Variants in NALF1 observed in about 807,000 individuals in gnomAD.
NALF1 encodes the protein NALCN channel auxiliary factor 1.
A neutral mutation model predicts 48.4 loss-of-function variants in NALF1; 3 were observed. That is an observed-to-expected ratio of 0.06 (90% CI 0.03 to 0.16). The LOEUF (loss-of-function observed/expected upper bound fraction) is 0.16, where lower values mean the gene tolerates loss of function less well. Ranked by LOEUF, NALF1 falls within the 10% of genes least tolerant of loss-of-function variation. The pLI, the probability that NALF1 is intolerant of heterozygous loss-of-function variation, is 1.00. For synonymous variants in NALF1, 262 were observed against 245.7 expected (o/e 1.07, Z -0.62); for missense variants, 526 against 571.5 (o/e 0.92, Z 0.81).
intron 1 of NALF1, among the ~76,000 whole-genome samples, chr13:107,513,462 G>A (rs1191755770): frequency 6.6e-6 from 1 of 151,682 alleles, no homozygotes; most frequent in Non-Finnish European, 1.5e-5. Flanking sequence ...TGTACTGTGG[G>A]AAACTAGCCA....
intron 1 of NALF1, among the ~76,000 whole-genome samples, chr13:107,214,444 G>C (rs1016752970): frequency 1.3e-5 from 2 of 152,196 alleles, no homozygotes; most frequent in African/African-American, 4.8e-5. Flanking sequence ...TGTCACTGCA[G>C]AGTATAAATA....
intron 1 of NALF1, among the ~76,000 whole-genome samples, chr13:107,794,254 A>G: frequency 6.6e-6 from 1 of 152,194 alleles, no homozygotes. Context: ...TCAACATGAA[A>G]GCCCCTGGTT....
At chr13:107,425,075 A>G (rs1220272660) in intron 1 of NALF1, among the ~76,000 whole-genome samples, 1 of 152,184 alleles carries the variant, frequency 6.6e-6, no homozygotes, top group Non-Finnish European at 1.5e-5. Context: ...TGAAAGTCGT[A>G]TTTTGCTCCT....
intron 1 of NALF1, among the ~76,000 whole-genome samples, chr13:107,213,230 C>CAAAAAAAAAAAAAAA (rs386380636): frequency 3.5e-4 from 36 of 103,360 alleles, no homozygotes; most frequent in East Asian, 1.2e-3. Flanking sequence ...TTTTTTAACT[C>CAAAAAAAAAAAAAAA]AAAAAAAAAA....
chr13:107,308,348 C>T (rs1881980939), intron 1 of NALF1, among the ~76,000 whole-genome samples: 1 of 151,658 alleles, frequency 6.6e-6, no homozygotes, highest in Non-Finnish European at 1.5e-5. Flanking sequence ...ACTAAAGGTA[C>T]CCGCCACCAC....
intron 1 of NALF1, among the ~76,000 whole-genome samples, chr13:107,596,865 A>G (rs1878768308): frequency 2.6e-5 from 4 of 152,074 alleles, no homozygotes; most frequent in Admixed American, 2.6e-4. Context: ...GTTCATTTCT[A>G]TTTTTTTCCC....
At chr13:107,315,700 T>A (rs1243216676) in intron 1 of NALF1, among the ~76,000 whole-genome samples, 1 of 151,984 alleles carries the variant, frequency 6.6e-6, no homozygotes, top group East Asian at 1.9e-4. Flanking sequence ...ATTTTTGCAG[T>A]TATTTTCTAT....
intron 1 of NALF1, among the ~76,000 whole-genome samples, chr13:107,596,226 G>A (rs9520502): frequency 0.027 from 4,091 of 152,168 alleles, 101 homozygotes; most frequent in Non-Finnish European, 0.038. Context: ...TAAGAAAAGG[G>A]AATTTTCTAG....
At chr13:107,774,841 G>C (rs1877680102) in intron 1 of NALF1, among the ~76,000 whole-genome samples, 1 of 151,982 alleles carries the variant, frequency 6.6e-6, no homozygotes, top group South Asian at 2.1e-4. Flanking sequence ...CAGCTCTTAT[G>C]GTTCTTCCTT....
chr13:107,333,100 C>T (rs1408048431), intron 1 of NALF1, among the ~76,000 whole-genome samples: 1 of 152,150 alleles, frequency 6.6e-6, no homozygotes. Context: ...CCCGCCTCGG[C>T]CTCCCAAAGT....
chr13:107,569,069 C>T (rs1877901298), intron 1 of NALF1, among the ~76,000 whole-genome samples: 4 of 152,112 alleles, frequency 2.6e-5, no homozygotes, highest in Admixed American at 6.5e-5. Context: ...TTTAAATTTA[C>T]AAACTATTTT....
intron 2 of NALF1, among the ~76,000 whole-genome samples, chr13:107,195,517 C>T (rs894694913): frequency 2.0e-5 from 3 of 152,180 alleles, no homozygotes; most frequent in Admixed American, 1.3e-4. Context: ...GTGATAATCA[C>T]ACTCTCCACA....
rs1002446478 is a variant in NALF1, at chr13:107,570,921, A to T, written c.915+294761T>A. 3.3e-5 allele frequency among the ~76,000 whole-genome samples: 5 copies of T among 152,290 alleles called. No individual in the cohort carries two copies. In the East Asian group the frequency reaches 9.6e-4, roughly 29 times the overall value. On this transcript the variant is annotated intron_variant, in intron 1 of 2. Transcript: ENST00000375915. ...CTCCTTCCATTGCATGTTAGACATG[A>T]AAAAAAGATAAAGAATCTTAGGATT...
chr13:107,222,559 G>C (rs1386605154), intron 1 of NALF1, among the ~76,000 whole-genome samples: 1 of 152,168 alleles, frequency 6.6e-6, no homozygotes, highest in East Asian at 1.9e-4. Context: ...TGTCCTGTGT[G>C]TGTTCGCCCC....
intron 1 of NALF1, among the ~76,000 whole-genome samples, chr13:107,702,849 A>T (rs887197778): frequency 6.6e-6 from 1 of 152,072 alleles, no homozygotes; most frequent in African/African-American, 2.4e-5. Context: ...ATCCAGCTCC[A>T]TCCATGTCCC....
intron 1 of NALF1, among the ~76,000 whole-genome samples, chr13:107,766,221 A>G (rs1385864837): frequency 1.3e-5 from 2 of 152,192 alleles, no homozygotes; most frequent in African/African-American, 4.8e-5. Context: ...TTCTTAAAAG[A>G]TAAATCTGTA....
intron 1 of NALF1, among the ~76,000 whole-genome samples, chr13:107,706,562 T>C (rs892192389): frequency 1.3e-5 from 2 of 152,228 alleles, no homozygotes; most frequent in African/African-American, 4.8e-5. Context: ...AATTTAAATT[T>C]GGCATTAAAT....
At chr13:107,635,494 C>T (rs533904317) in intron 1 of NALF1, among the ~76,000 whole-genome samples, 16 of 152,128 alleles carry the variant, frequency 1.1e-4, no homozygotes, top group African/African-American at 3.6e-4. Flanking sequence ...AACTACAATT[C>T]AGGATGAGAT....
chr13:107,447,977 G>A (rs2139032458), intron 1 of NALF1, among the ~76,000 whole-genome samples: 1 of 152,256 alleles, frequency 6.6e-6, no homozygotes, highest in African/African-American at 2.4e-5. Context: ...TTGGTTCTGG[G>A]GAACTGATGC....
Sources: gnomAD v4.1 joint callset for allele counts (sites outside exome capture counted in the v4.1 genomes callset) on GRCh38, gnomAD v4.1.1 for gene constraint, MANE v1.5 for transcripts, NCBI Gene and HGNC (gene_info 2026-07-23, HGNC 2026-07-21) for gene names.